The following KIF26B variants were observed in gnomAD, a reference collection of about 807,000 sequenced individuals.
KIF26B encodes the protein kinesin-like protein KIF26B.
KIF26B carries 63 observed loss-of-function variants against 151.2 expected under a neutral mutation model. The observed-to-expected ratio is 0.42, with a 90% CI of 0.34 to 0.51. The LOEUF is 0.51. KIF26B is among the 20% of genes least tolerant of loss of function. KIF26B has a pLI of 0.07. For synonymous variants in KIF26B, 1,357 were observed against 1,262.1 expected (o/e 1.08, Z -1.59); for missense variants, 2,813 against 2,913.6 (o/e 0.97, Z 0.79).
Position 245,647,412 on chromosome 1 carries a change from G to A in KIF26B, c.2258+1132G>A, listed in dbSNP as rs544491766. Among the ~76,000 whole-genome samples the A allele has an allele frequency of 4.7e-3, 509 of 108,676 alleles. 2 individuals carry two copies. The highest frequency in any genetic ancestry group is 0.018 in the African/African-American group (468 of 26,598). 71.3% of individuals were successfully genotyped at this position (108,676 alleles called of 152,430 possible). A position where few individuals can be genotyped will look rare whatever the true frequency, so the allele number is the denominator to read the frequency against. On this transcript the variant is annotated intron_variant, in intron 10 of 14. Transcript: ENST00000407071. ...TGCACTCCAGCCTGGGCAACAGAGC[G>A]AGACTCCTTCTCAAAAAAAAAAAAA...
intron 5 of KIF26B, among the ~76,000 whole-genome samples, chr1:245,577,143 G>A (rs897649631): frequency 6.6e-6 from 1 of 152,092 alleles, no homozygotes; most frequent in African/African-American, 2.4e-5. Flanking sequence ...TCAGTTTACA[G>A]GTGAGAAAAC....
intron 2 of KIF26B, among the ~76,000 whole-genome samples, chr1:245,284,691 G>C (rs1320313040): frequency 1.3e-5 from 2 of 152,168 alleles, no homozygotes; most frequent in Non-Finnish European, 2.9e-5. Context: ...CCAGATATTG[G>C]TTATCTTTTG....
At chr1:245,383,535 C>G (rs1673467066) in intron 3 of KIF26B, among the ~76,000 whole-genome samples, 3 of 152,142 alleles carry the variant, frequency 2.0e-5, no homozygotes, top group African/African-American at 4.8e-5. Flanking sequence ...ATGTAAATAG[C>G]CTTTTTGATA....
intron 3 of KIF26B, among the ~76,000 whole-genome samples, chr1:245,395,480 G>A (rs1175436516): frequency 3.9e-5 from 6 of 152,198 alleles, no homozygotes; most frequent in African/African-American, 1.2e-4. Context: ...CAGGTGCCAC[G>A]TAGACCTTCT....
chr1:245,503,716 G>T (rs1228185479), intron 4 of KIF26B, among the ~76,000 whole-genome samples: 1 of 152,196 alleles, frequency 6.6e-6, no homozygotes, highest in Non-Finnish European at 1.5e-5. Flanking sequence ...GGAAGCACCG[G>T]CTGGACCAAT....
At chr1:245,177,754 A>G (rs1215591828) in intron 2 of KIF26B, among the ~76,000 whole-genome samples, 1 of 151,196 alleles carries the variant, frequency 6.6e-6, no homozygotes, top group African/African-American at 2.4e-5. Context: ...CCTGTTTCTG[A>G]TTAGTAAAAT....
At chr1:245,312,270 G>T (rs1327352092) in intron 2 of KIF26B, among the ~76,000 whole-genome samples, 1 of 152,228 alleles carries the variant, frequency 6.6e-6, no homozygotes, top group Non-Finnish European at 1.5e-5. Context: ...GCAACTGATG[G>T]CCCGTGTCAG....
chr1:245,219,127 CTTTTTTTTTTTTTTTT>C (rs1166578525), intron 2 of KIF26B, among the ~76,000 whole-genome samples: 4 of 56,144 alleles, frequency 7.1e-5, no homozygotes, highest in Admixed American at 6.3e-4. Flanking sequence ...ATACCTACCT[CTTTTTTTTTTTTTTTT>C]TTTTTTTTTT....
chr1:245,651,663 G>A (rs931238174), intron 10 of KIF26B, among the ~76,000 whole-genome samples: 5 of 152,188 alleles, frequency 3.3e-5, no homozygotes, highest in African/African-American at 1.2e-4. Context: ...GTGAGCAGTG[G>A]GGGAGCATGA....
At chr1:245,416,642 G>C (rs144288154) in intron 3 of KIF26B, among the ~76,000 whole-genome samples, 1 of 152,182 alleles carries the variant, frequency 6.6e-6, no homozygotes, top group Non-Finnish European at 1.5e-5. Context: ...CTGGAAGAAG[G>C]CTTCTCGGAG....
chr1:245,402,816 T>C (rs1014030980), intron 3 of KIF26B, among the ~76,000 whole-genome samples: 1 of 152,136 alleles, frequency 6.6e-6, no homozygotes, highest in African/African-American at 2.4e-5. Flanking sequence ...TACAACTTAG[T>C]GATTAGGGGC....
chr1:245,207,510 C>T (rs1669431512), intron 2 of KIF26B, among the ~76,000 whole-genome samples: 1 of 152,156 alleles, frequency 6.6e-6, no homozygotes, highest in South Asian at 2.1e-4. Context: ...TTACAAGGGA[C>T]TTACAGTCCG....
chr1:245,157,072 T>G (rs902751235), intron 2 of KIF26B, among the ~76,000 whole-genome samples: 4 of 151,710 alleles, frequency 2.6e-5, no homozygotes, highest in Non-Finnish European at 4.4e-5. Flanking sequence ...GCGGGAGCTG[T>G]AAAAGCAAGC....
At chr1:245,242,745 G>A (rs970707856) in intron 2 of KIF26B, among the ~76,000 whole-genome samples, 8 of 152,008 alleles carry the variant, frequency 5.3e-5, no homozygotes, top group Non-Finnish European at 8.8e-5. Flanking sequence ...TCTGTCTCCC[G>A]GGTTCAAGTG....
intron 2 of KIF26B, among the ~76,000 whole-genome samples, chr1:245,314,305 A>G (rs533809588): frequency 6.6e-6 from 1 of 152,216 alleles, no homozygotes; most frequent in South Asian, 2.1e-4. Context: ...AAAAAAAATT[A>G]GCCAGGCGTG....
chr1:245,355,572 G>A (rs925246061), intron 2 of KIF26B, among the ~76,000 whole-genome samples: 1 of 149,248 alleles, frequency 6.7e-6, no homozygotes, highest in African/African-American at 2.5e-5. Flanking sequence ...TTTCAGCCTG[G>A]GCAACACAGT....
At chr1:245,532,439 G>T (rs976233264) in intron 4 of KIF26B, among the ~76,000 whole-genome samples, 1 of 151,818 alleles carries the variant, frequency 6.6e-6, no homozygotes. Context: ...TAGAGACGGG[G>T]TTTCATCGTG....
intron 5 of KIF26B, among the ~76,000 whole-genome samples, chr1:245,555,022 C>T (rs984614961): frequency 6.6e-6 from 1 of 152,170 alleles, no homozygotes; most frequent in Non-Finnish European, 1.5e-5. Context: ...CCCTTCCAGG[C>T]CGTGCTCTTC....
chr1:245,194,595 C>A (rs1669161744), intron 2 of KIF26B, among the ~76,000 whole-genome samples: 1 of 152,048 alleles, frequency 6.6e-6, no homozygotes, highest in Non-Finnish European at 1.5e-5. Context: ...CCAGGCTGGT[C>A]TCGAACATCT....
Sources: allele counts gnomAD v4.1 joint callset (sites outside exome capture counted in the v4.1 genomes callset), GRCh38; gene constraint gnomAD v4.1.1; transcripts MANE v1.5; gene names NCBI Gene and HGNC (gene_info 2026-07-23, HGNC 2026-07-21).